Variants in TPGS1 observed in about 807,000 individuals in gnomAD.
TPGS1 encodes the protein gene trap ROSA b-geo 22.
TPGS1 carries 18 observed loss-of-function variants against 11.9 expected under a neutral mutation model. The ratio of observed to expected loss-of-function variants is 1.51; its 90% confidence interval spans 1.04 to 2.24. TPGS1 has a LOEUF of 2.24. Ranked by LOEUF, TPGS1 falls within the 30% of genes most tolerant of loss-of-function variation. The pLI, the probability that TPGS1 is intolerant of heterozygous loss-of-function variation, is 0.00. For synonymous variants in TPGS1, 247 were observed against 218.2 expected (o/e 1.13, Z -1.16); for missense variants, 500 against 443.0 (o/e 1.13, Z -1.16).
chr19:516,031 CAA>C (rs762448171), intron 1 of TPGS1, among the ~76,000 whole-genome samples: 39 of 88,458 alleles, frequency 4.4e-4, no homozygotes, highest in South Asian at 1.3e-3. Context: ...GACTCCGTCT[CAA>C]AAAAAAAAAA....
Position 519,594 on chromosome 19 carries a change from C to T in TPGS1, c.*171C>T, listed in dbSNP as rs1979089252. On this transcript the variant is annotated 3_prime_UTR_variant, in exon 2 of 2. Transcript: ENST00000359315. ...GCCCGGTCCCCACACAGCGCCGCGG[C>T]CGCCCCTCCACCCCCGCGGGAGCCC... The T allele has an allele frequency of 4.2e-6, 2 of 480,482 alleles. No homozygotes were observed. Among genetic ancestry groups the T allele is most frequent in the Non-Finnish European group, 6.2e-6 (2 of 323,938 alleles). 29.8% of individuals were successfully genotyped at this position (480,482 alleles called of 1,614,324 possible). A position where few individuals can be genotyped will look rare whatever the true frequency, so the allele number is the denominator to read the frequency against.
chr19:515,381 A>G lies in TPGS1; in HGVS notation c.339-3508A>G, dbSNP rs141419841. On this transcript the variant is annotated intron_variant, in intron 1 of 1. Coordinates refer to ENST00000359315, the MANE Select transcript of TPGS1 (RefSeq NM_033513.3). ...GTACCACTGCTCTCCAGCCTGCACA[A>G]CACAGTGAGACCCTGTCTCAAAAAA... Among the ~76,000 whole-genome samples the G allele has an allele frequency of 2.8e-3, 411 of 148,378 alleles. 3 individuals are homozygous for G. The highest frequency in any genetic ancestry group is 9.6e-3 in the African/African-American group (379 of 39,546).
At chr19:510,973 G>A (rs912724725) in intron 1 of TPGS1, among the ~76,000 whole-genome samples, 28 of 152,332 alleles carry the variant, frequency 1.8e-4, no homozygotes, top group African/African-American at 6.7e-4. Flanking sequence ...GCGTCTGCTG[G>A]GGGCAGGAGT....
chr19:515,041 T>C (rs1225048947), intron 1 of TPGS1, among the ~76,000 whole-genome samples: 1 of 152,208 alleles, frequency 6.6e-6, no homozygotes, highest in Admixed American at 6.5e-5. Context: ...AGGGGCCAGA[T>C]AGTGAACATT....
intron 1 of TPGS1, among the ~76,000 whole-genome samples, chr19:517,503 A>G (rs961744601): frequency 2.3e-3 from 1 of 430 alleles, no homozygotes; most frequent in Admixed American, 0.021. Context: ...TGGGGGCTGG[A>G]AGGGGGGAGG....
intron 1 of TPGS1, chr19:510,445 G>A (rs1192874695): frequency 6.6e-6 from 1 of 152,234 alleles, no homozygotes; most frequent in Non-Finnish European, 1.5e-5. Flanking sequence ...ACCCCCAAAG[G>A]CTGAGGGGCT....
rs1979084941 is a variant in TPGS1 at position 519,502 on chromosome 19, T to A, written c.*79T>A. The A allele has an allele frequency of 8.8e-7, 1 of 1,131,666 alleles. No individual in the cohort carries two copies. The highest frequency in any genetic ancestry group is 1.6e-5 in the African/African-American group (1 of 60,738). The allele number at this position is 1,131,666 out of a possible 1,614,324, so 70.1% of individuals were successfully genotyped here. A position where few individuals can be genotyped will look rare whatever the true frequency, so the allele number is the denominator to read the frequency against. ...GGCGCGCGGAGCCTTCCCTTCGCCC[T>A]GGTGAGGCCCTGCCATAACCAGGCG... is the stretch of plus-strand genomic sequence containing the variant. On this transcript the variant is annotated 3_prime_UTR_variant, in exon 2 of 2. Transcript: ENST00000359315.
Position 519,293 on chromosome 19 carries a change from G to A in TPGS1, c.743G>A (p.Gly248Glu). 2 of 1,190,398 alleles carry A rather than the reference G, an allele frequency of 1.7e-6. No individual in the cohort carries two copies. Among genetic ancestry groups the A allele is most frequent in the Non-Finnish European group, 2.1e-6 (2 of 962,552 alleles). 73.7% of individuals were successfully genotyped at this position (1,190,398 alleles called of 1,614,324 possible). A position where few individuals can be genotyped will look rare whatever the true frequency, so the allele number is the denominator to read the frequency against. Residue 248 changes from glycine (G) to glutamate (E), a missense_variant, in exon 2 of 2, where the codon GGG becomes GAG. Coordinates refer to ENST00000359315, the MANE Select transcript of TPGS1 (RefSeq NM_033513.3). ...ARFLEAGSRL[G>E]PDSLALALDR... ...TTCCTGGAGGCCGGCTCGCGCTTGG[G>A]GCCCGACAGCCTGGCGCTGGCGCTG...
intron 1 of TPGS1, among the ~76,000 whole-genome samples, chr19:511,766 G>A (rs1289766216): frequency 6.6e-6 from 1 of 152,266 alleles, no homozygotes; most frequent in Non-Finnish European, 1.5e-5. Context: ...CCACAGACCT[G>A]TCAGTCAGAA....
chr19:516,146 G>A (rs1223956427), intron 1 of TPGS1, among the ~76,000 whole-genome samples: 3 of 152,228 alleles, frequency 2.0e-5, no homozygotes, highest in Non-Finnish European at 4.4e-5. Flanking sequence ...CTGCTGCAGG[G>A]AGGGAGACCA....
Position 507,574 on chromosome 19 carries a change from A to G in TPGS1, c.68A>G (p.Gln23Arg), listed in dbSNP as rs2145829301. Reference sequence around the variant, plus strand: ...GCCGGTTTCACGGACAGCGGCCGCCAGTCGGTATCCCGGGCGGCGGGGGCG... The same window carrying G: ...GCCGGTTTCACGGACAGCGGCCGCCGGTCGGTATCCCGGGCGGCGGGGGCG... ...PPAGFTDSGR[Q>R]SVSRAAGAAE... The change falls in exon 1 of 2, where the codon CAG becomes CGG. Residue 23 changes from glutamine to arginine, a missense_variant. Gln to Arg is a conservative substitution (Grantham distance 43, BLOSUM62 1). Coordinates refer to ENST00000359315, the MANE Select transcript of TPGS1 (RefSeq NM_033513.3). 1 of 1,392,454 alleles carries G rather than the reference A, an allele frequency of 7.2e-7. No homozygotes were observed. Among genetic ancestry groups the G allele is most frequent in the East Asian group, 2.9e-5 (1 of 34,064 alleles). 86.3% of individuals were successfully genotyped at this position (1,392,454 alleles called of 1,614,324 possible).
chr19:507,881 A>G, intron 1 of TPGS1, 37 bp downstream of exon 1: 2 of 1,290,868 alleles, frequency 1.5e-6, no homozygotes, highest in Non-Finnish European at 2.0e-6. Flanking sequence ...TGGGGCAGCG[A>G]TGGACTTCAA....
At chr19:509,563 C>G (rs1600397841) in intron 1 of TPGS1, 1 of 152,340 alleles carries the variant, frequency 6.6e-6, no homozygotes, top group African/African-American at 2.4e-5. Flanking sequence ...TCCTTGCCTC[C>G]CCAGCCTCCA....
intron 1 of TPGS1, among the ~76,000 whole-genome samples, chr19:513,871 T>A (rs566486262): frequency 6.8e-4 from 99 of 146,254 alleles, no homozygotes; most frequent in African/African-American, 2.5e-3. Flanking sequence ...GCCCAGCATT[T>A]AGTGAGCACC....
intron 1 of TPGS1, chr19:509,017 G>C (rs970424687): frequency 2.0e-5 from 3 of 152,416 alleles, no homozygotes; most frequent in African/African-American, 7.2e-5. Flanking sequence ...CTGGTTTGAA[G>C]AAGCTGCCAG....
At chr19:515,948 C>T (rs1173327202) in intron 1 of TPGS1, among the ~76,000 whole-genome samples, 1 of 150,510 alleles carries the variant, frequency 6.6e-6, no homozygotes, top group Non-Finnish European at 1.5e-5. Context: ...AGGAGAATGG[C>T]GTGAACCCGG....
intron 1 of TPGS1, 130 bp from the exon 2 acceptor site, chr19:518,759 T>C: frequency 3.8e-6 from 3 of 782,872 alleles, no homozygotes; most frequent in Non-Finnish European, 4.9e-6. Flanking sequence ...GGATGGGGGG[T>C]AGGAGGAGAG....
intron 1 of TPGS1, among the ~76,000 whole-genome samples, chr19:515,723 T>A (rs1367101084): frequency 3.0e-5 from 4 of 134,668 alleles, no homozygotes; most frequent in Non-Finnish European, 6.2e-5. Flanking sequence ...GACAACAGAG[T>A]GAGACACTGT....
At chr19:507,898 G>C in intron 1 of TPGS1, 54 bp downstream of exon 1, 1 of 1,255,928 alleles carries the variant, frequency 8.0e-7, no homozygotes, top group South Asian at 2.5e-5. Context: ...TCAACTCCCA[G>C]CATGCCGCGC....
Sources: gnomAD v4.1 joint callset for allele counts (sites outside exome capture counted in the v4.1 genomes callset) on GRCh38, gnomAD v4.1.1 for gene constraint, MANE v1.5 for transcripts, NCBI Gene and HGNC (gene_info 2026-07-23, HGNC 2026-07-21) for gene names.